Variants in P2RX7 observed in about 807,000 individuals in gnomAD.
P2RX7 encodes P2X purinoceptor 7.
In P2RX7, 62 loss-of-function variants were observed where a neutral mutation model predicts 71.6. The observed-to-expected ratio is 0.87, with a 90% CI of 0.71 to 1.07. P2RX7 has a LOEUF of 1.07. P2RX7 is among the 50% of genes least tolerant of loss of function. The probability of loss-of-function intolerance (pLI) is 0.00; values close to 1 mark genes in which losing one functional copy is unlikely to be tolerated. For synonymous variants in P2RX7, 299 were observed against 283.3 expected, an observed-to-expected ratio of 1.06 and a Z score of -0.56; for missense variants, 686 against 748.5, an observed-to-expected ratio of 0.92 and a Z score of 0.97.
intron 8 of P2RX7, among the ~76,000 whole-genome samples, chr12:121,170,638 G>A (rs1038410385): frequency 6.6e-6 from 1 of 152,130 alleles, no homozygotes; most frequent in Non-Finnish European, 1.5e-5. Flanking sequence ...AGCTGGACGT[G>A]GTGACAGGTG....
intron 1 of P2RX7, among the ~76,000 whole-genome samples, chr12:121,134,118 T>C (rs1873001611): frequency 6.6e-6 from 1 of 152,258 alleles, no homozygotes; most frequent in Non-Finnish European, 1.5e-5. Flanking sequence ...ATTGGGGTTG[T>C]TTCTCTTTTT....
chr12:121,174,850 G>A (rs1386348391), intron 8 of P2RX7, among the ~76,000 whole-genome samples: 1 of 151,922 alleles, frequency 6.6e-6, no homozygotes, highest in African/African-American at 2.4e-5. Context: ...GATGATGCAG[G>A]TACAGGTGGT....
chr12:121,178,653 G>A (rs11065469), intron 11 of P2RX7, among the ~76,000 whole-genome samples: 58,433 of 151,300 alleles, frequency 0.39, 11,652 homozygotes, highest in African/African-American at 0.44. Context: ...TTAGCCAGGC[G>A]TGGTGGTGCA....
rs2136188962 is a variant in P2RX7, at chr12:121,187,750, A to C, written c.*2948A>C. 1 of 152,336 alleles carries C rather than the reference A, an allele frequency of 6.6e-6. No homozygotes were observed. The highest frequency in any genetic ancestry group is 2.1e-4 in the South Asian group (1 of 4,830). 9.4% of individuals were successfully genotyped at this position (152,336 alleles called of 1,614,324 possible). ...TATTTTTAGTTTACTGTAGAAAATA[A>C]TGTCACCGCCAAAGGTGATGAGAGT... On this transcript the variant is annotated 3_prime_UTR_variant, in exon 13 of 13. Coordinates refer to ENST00000328963, the MANE Select transcript of P2RX7 (RefSeq NM_002562.6).
chr12:121,175,596 T>TA, intron 9 of P2RX7, 118 bp downstream of exon 9: 1 of 648,096 alleles, frequency 1.5e-6, no homozygotes, highest in Non-Finnish European at 2.9e-6. Context: ...CACTGGGCAT[T>TA]TCGCACATGG....
chr12:121,136,023 A>AAAAAAAAAAATATATATATATATATATAT, intron 1 of P2RX7, among the ~76,000 whole-genome samples: 1 of 15,256 alleles, frequency 6.6e-5, no homozygotes, highest in Admixed American at 1.7e-3. Context: ...AAAAAAAAAA[A>AAAAAAAAAAATATATATATATATATATAT]ATATATATAT....
At chr12:121,167,935 C>T (rs1881443944) in intron 8 of P2RX7, among the ~76,000 whole-genome samples, 1 of 151,780 alleles carries the variant, frequency 6.6e-6, no homozygotes, top group African/African-American at 2.4e-5. Context: ...GCCTCAGCCT[C>T]CCAAGTAGCT....
At chr12:121,177,799 G>T (rs1362140975) in intron 11 of P2RX7, among the ~76,000 whole-genome samples, 1 of 151,546 alleles carries the variant, frequency 6.6e-6, no homozygotes, top group Non-Finnish European at 1.5e-5. Flanking sequence ...GCTCACTGCA[G>T]CCTCTGCCTC....
intron 8 of P2RX7, among the ~76,000 whole-genome samples, chr12:121,172,822 G>A (rs1013415940): frequency 1.3e-5 from 2 of 152,130 alleles, no homozygotes; most frequent in South Asian, 4.1e-4. Context: ...AACAGTTTCA[G>A]ATGTTTCTTA....
intron 1 of P2RX7, among the ~76,000 whole-genome samples, chr12:121,152,018 C>T (rs779763387): frequency 5.9e-5 from 9 of 152,066 alleles, no homozygotes; most frequent in Admixed American, 6.6e-5. Flanking sequence ...CAATATTACT[C>T]GCCCAGGCTG....
At position 121,149,781 on chromosome 12, in the gene P2RX7, G is replaced by C. The variant is rs181711134; in HGVS notation, c.126-5004G>C. Among the ~76,000 whole-genome samples the C allele has an allele frequency of 1.4e-4, 22 of 152,116 alleles. No homozygotes were observed. The highest frequency in any genetic ancestry group is 4.8e-4 in the African/African-American group (20 of 41,514). ...ACTGGAGTCTCACTGTGTTGCCCAG[G>C]CTTGTCTTGAACTCCTGGGCTCAAG... On this transcript the variant is annotated intron_variant, in intron 1 of 12. Transcript: ENST00000328963. The surrounding 1 kb of genome is among the most constrained non-coding windows in gnomAD (Gnocchi z 4.7).
Position 121,175,483 on chromosome 12 carries a change from G to A in P2RX7, c.972+5G>A. On this transcript the variant is annotated splice_donor_5th_base_variant and intron_variant, in intron 9 of 12. Coordinates refer to ENST00000328963, the MANE Select transcript of P2RX7 (RefSeq NM_002562.6). ...GACATCCTGGTTTTTGGCACCGTAA[G>A]TCTCGTTTCCCAGCTCCGGGCACCG... 8.0e-7 allele frequency: 1 copy of A among 1,244,632 alleles called. No individual in the cohort carries two copies. The highest frequency in any genetic ancestry group is 1.2e-6 in the Non-Finnish European group (1 of 842,482). 77.1% of individuals were successfully genotyped at this position (1,244,632 alleles called of 1,614,324 possible). A position where few individuals can be genotyped will look rare whatever the true frequency, so the allele number is the denominator to read the frequency against.
intron 7 of P2RX7, among the ~76,000 whole-genome samples, chr12:121,166,684 A>G (rs1275571066): frequency 6.6e-6 from 1 of 152,076 alleles, no homozygotes; most frequent in African/African-American, 2.4e-5. Flanking sequence ...AAAGAGAGAG[A>G]GCATTTACAA....
Position 121,139,733 on chromosome 12 carries a change from C to CTTTTTTT in P2RX7, c.125+6651_125+6657dup, listed in dbSNP as rs10696338. ...GCATGGCCCCTCTGACCCTGACCATCTTTTTTTTTTTTTTTTTTTGAGACA... is the reference window on the plus strand; with the variant it reads ...GCATGGCCCCTCTGACCCTGACCATCTTTTTTTTTTTTTTTTTTTTTTTTTTGAGACA... On this transcript the variant is annotated intron_variant, in intron 1 of 12. Transcript: ENST00000328963. 3.2e-3 allele frequency among the ~76,000 whole-genome samples: 407 copies of CTTTTTTT among 126,698 alleles called. 13 individuals carry two copies. Among genetic ancestry groups the CTTTTTTT allele is most frequent in the African/African-American group, 0.012 (371 of 32,056 alleles). The allele number at this position is 126,698 out of a possible 152,430, so 83.1% of individuals were successfully genotyped here. A position where few individuals can be genotyped will look rare whatever the true frequency, so the allele number is the denominator to read the frequency against.
intron 1 of P2RX7, among the ~76,000 whole-genome samples, chr12:121,139,478 A>G (rs570344391): frequency 6.6e-6 from 1 of 152,340 alleles, no homozygotes; most frequent in East Asian, 1.9e-4. Context: ...ACTGGCGCCA[A>G]CATGAGCCTA....
intron 1 of P2RX7, among the ~76,000 whole-genome samples, chr12:121,138,407 AT>A (rs1874145784): frequency 6.6e-6 from 1 of 152,254 alleles, no homozygotes; most frequent in Non-Finnish European, 1.5e-5. Context: ...ACTCTGATTG[AT>A]CAGATGTGAG....
chr12:121,171,599 A>G (rs1173161714), intron 8 of P2RX7, among the ~76,000 whole-genome samples: 1 of 152,124 alleles, frequency 6.6e-6, no homozygotes, highest in Non-Finnish European at 1.5e-5. Flanking sequence ...AAATAAGGTC[A>G]TATCACAGCC....
At position 121,184,550 on chromosome 12, in the gene P2RX7, G is replaced by A. The variant is rs758370059; in HGVS notation, c.1536G>A (p.Leu512=). The change falls in exon 13 of 13, where the codon CTG becomes CTA. Residue 512 remains leucine, a synonymous_variant. Coordinates refer to ENST00000328963, the MANE Select transcript of P2RX7 (RefSeq NM_002562.6). ...KPGACITTSE[L]FRKLVLSRHV... ...GGGCCTGCATCACCACCTCAGAGCT[G>A]TTCAGGAAGCTGGTCCTGTCCAGAC... The A allele has an allele frequency of 1.9e-6, 3 of 1,614,084 alleles. No individual in the cohort carries two copies. The highest frequency in any genetic ancestry group is 2.7e-5 in the African/African-American group (2 of 74,954).
chr12:121,165,307 C>G (rs563045817), intron 5 of P2RX7, 50 bp from the exon 6 acceptor site: 2 of 1,461,512 alleles, frequency 1.4e-6, no homozygotes, highest in East Asian at 4.5e-5. Flanking sequence ...CCCATGGGCT[C>G]CCTCGGTTCC....
Sources: allele counts gnomAD v4.1 joint callset (sites outside exome capture counted in the v4.1 genomes callset), GRCh38; gene constraint gnomAD v4.1.1; non-coding constraint Gnocchi (gnomAD v3.1); transcripts MANE v1.5; gene names NCBI Gene and HGNC (gene_info 2026-07-23, HGNC 2026-07-21).